The following BICDL1 variants were observed in gnomAD, a reference collection of about 807,000 sequenced individuals.
BICDL1 encodes the protein BICD family-like cargo adapter 1.
BICDL1 carries 20 observed loss-of-function variants against 76.8 expected under a neutral mutation model. The ratio of observed to expected loss-of-function variants is 0.26; its 90% CI spans 0.18 to 0.38. The LOEUF (loss-of-function observed/expected upper bound fraction) is 0.38. Among genes scored for constraint, BICDL1 ranks in the 10% least tolerant of loss-of-function variants. The pLI is 1.00. For missense variants in BICDL1, 700 were observed against 798.6 expected, an observed-to-expected ratio of 0.88 and a Z score of 1.49; for synonymous variants, 383 against 337.1, an observed-to-expected ratio of 1.14 and a Z score of -1.49.
chr12:120,056,087 T>C (rs16949914), intron 2 of BICDL1, among the ~76,000 whole-genome samples: 8,486 of 152,220 alleles, frequency 0.056, 469 homozygotes, highest in African/African-American at 0.14. Context: ...AATAGAAAAT[T>C]TCTAAAAGGA....
intron 2 of BICDL1, among the ~76,000 whole-genome samples, chr12:120,021,298 G>C (rs1392166607): frequency 6.9e-6 from 1 of 144,586 alleles, no homozygotes; most frequent in African/African-American, 2.6e-5. Context: ...AAAAAAAGGA[G>C]AGAATAGGCA....
rs1172412631 is a variant in BICDL1 at position 120,071,050 on chromosome 12, T to G, written c.910-572T>G. On this transcript the variant is annotated intron_variant, in intron 4 of 9. Coordinates refer to ENST00000548673, the MANE Select transcript of BICDL1 (RefSeq NM_001367886.1). This position sits in a 1 kb window ranked among gnomAD's most constrained non-coding sequence, Gnocchi z 4.8. ...CGGCCTGGTTGGTATAACTCAAGTC[T>G]TTTTTTATTTCTGTGTTCCTCCTTT... is the stretch of plus-strand genomic sequence containing the variant. Among the ~76,000 whole-genome samples the G allele has an allele frequency of 6.6e-6, 1 of 152,020 alleles. No homozygotes were observed. The highest frequency in any genetic ancestry group is 1.5e-5 in the Non-Finnish European group (1 of 67,996).
chr12:120,057,112 T>A, intron 2 of BICDL1: 4 of 522,262 alleles, frequency 7.7e-6, no homozygotes, highest in Non-Finnish European at 1.5e-5. Context: ...TGGTTGTATA[T>A]TTAGAGGACA....
At chr12:120,053,209 C>T (rs1408090390) in intron 2 of BICDL1, among the ~76,000 whole-genome samples, 4 of 152,002 alleles carry the variant, frequency 2.6e-5, no homozygotes, top group African/African-American at 7.3e-5. Context: ...CTCAGCCTCC[C>T]GAGTAGCTGG....
Position 120,093,020 on chromosome 12 carries a change from T to C in BICDL1, c.1725T>C (p.Ile575=). 1.3e-6 allele frequency: 2 copies of C among 1,577,966 alleles called. No homozygotes were observed. Among genetic ancestry groups the C allele is most frequent in the East Asian group, 2.3e-5 (1 of 44,388 alleles). Residue 575 remains isoleucine (I), a synonymous_variant, in exon 10 of 10, where the codon ATT becomes ATC. Coordinates refer to ENST00000548673, the MANE Select transcript of BICDL1 (RefSeq NM_001367886.1). ...EAWQDDMHRV[I]DRQLMDTHLK... Reference sequence around the variant, plus strand: ...TGCAGGATGACATGCACAGGGTCATTGACCGGCAGCTGATGGACACGCACC... The same window carrying C: ...TGCAGGATGACATGCACAGGGTCATCGACCGGCAGCTGATGGACACGCACC...
intron 8 of BICDL1, among the ~76,000 whole-genome samples, chr12:120,081,276 T>C (rs1363064606): frequency 6.6e-6 from 1 of 151,470 alleles, no homozygotes; most frequent in African/African-American, 2.4e-5. Context: ...GTAGTTATTA[T>C]GTGTTTTTAG....
chr12:120,086,672 G>C (rs952158018), intron 8 of BICDL1, among the ~76,000 whole-genome samples: 1 of 152,222 alleles, frequency 6.6e-6, no homozygotes, highest in African/African-American at 2.4e-5. Flanking sequence ...TCTCCTTGCA[G>C]GTGAAGGGCC....
intron 2 of BICDL1, among the ~76,000 whole-genome samples, chr12:120,006,366 A>G (rs79459519): frequency 0.013 from 1,929 of 152,248 alleles, 41 homozygotes; most frequent in East Asian, 0.045. Context: ...CATTCATTCA[A>G]ATACTTATAA....
At chr12:120,036,769 G>C (rs1952538106) in intron 2 of BICDL1, among the ~76,000 whole-genome samples, 1 of 152,136 alleles carries the variant, frequency 6.6e-6, no homozygotes, top group African/African-American at 2.4e-5. Context: ...CCAGCTACTC[G>C]GGAGGCTGAG....
intron 2 of BICDL1, among the ~76,000 whole-genome samples, chr12:120,010,900 C>T (rs1951940116): frequency 6.6e-6 from 1 of 151,990 alleles, no homozygotes; most frequent in Non-Finnish European, 1.5e-5. Flanking sequence ...GTAAAACAAG[C>T]CATCTCTTTG....
At chr12:119,994,203 C>T (rs189039100) in intron 1 of BICDL1, among the ~76,000 whole-genome samples, 28 of 152,242 alleles carry the variant, frequency 1.8e-4, no homozygotes, top group Middle Eastern at 3.4e-3. Context: ...GGCCAATTCT[C>T]ATTAGTCCAG....
At chr12:120,032,751 T>TC (rs1256213600) in intron 2 of BICDL1, among the ~76,000 whole-genome samples, 1 of 148,272 alleles carries the variant, frequency 6.7e-6, no homozygotes, top group African/African-American at 2.5e-5. Flanking sequence ...TATAATTTTT[T>TC]TTTTTTTTTT....
At chr12:120,053,275 G>A (rs1293984849) in intron 2 of BICDL1, among the ~76,000 whole-genome samples, 2 of 152,038 alleles carry the variant, frequency 1.3e-5, no homozygotes, top group Non-Finnish European at 2.9e-5. Context: ...GTGGAGACAG[G>A]GTTTCTGCAT....
chr12:120,008,461 T>C (rs1220880527), intron 2 of BICDL1, among the ~76,000 whole-genome samples: 1 of 152,146 alleles, frequency 6.6e-6, no homozygotes, highest in African/African-American at 2.4e-5. Flanking sequence ...GCCCAGCCAA[T>C]AGTTACTCTT....
chr12:120,023,902 T>C (rs1195391722), intron 2 of BICDL1, among the ~76,000 whole-genome samples: 1 of 152,192 alleles, frequency 6.6e-6, no homozygotes, highest in Non-Finnish European at 1.5e-5. Context: ...ACACACGTGT[T>C]AGACTTAGCA....
intron 2 of BICDL1, among the ~76,000 whole-genome samples, chr12:120,043,886 A>G (rs968660490): frequency 2.6e-5 from 4 of 152,360 alleles, no homozygotes; most frequent in South Asian, 4.1e-4. Flanking sequence ...TCTGCCCTTA[A>G]GTCTTTTCCA....
At position 120,071,871 on chromosome 12, in the gene BICDL1, T is replaced by G. The variant is rs1004760295; in HGVS notation, c.1089+70T>G. The stretch of plus-strand genomic sequence containing the variant: ...GCTTAGGTCTCATCCTCCTCCCTAG[T>G]GCTCAGCTGCCATCCTGGCAAGGCT... On this transcript the variant is annotated intron_variant, in intron 5 of 9. Transcript: ENST00000548673. The surrounding 1 kb of genome is among the most constrained non-coding windows in gnomAD (Gnocchi z 4.8). The G allele has an allele frequency of 1.4e-6, 2 of 1,450,854 alleles. No homozygotes were observed. Among genetic ancestry groups the G allele is most frequent in the Admixed American group, 2.7e-5 (1 of 36,958 alleles). 89.9% of individuals were successfully genotyped at this position (1,450,854 alleles called of 1,614,324 possible). A position where few individuals can be genotyped will look rare whatever the true frequency, so the allele number is the denominator to read the frequency against.
intron 2 of BICDL1, among the ~76,000 whole-genome samples, chr12:120,033,135 C>T (rs973610006): frequency 6.6e-6 from 1 of 152,030 alleles, no homozygotes; most frequent in Non-Finnish European, 1.5e-5. Context: ...CTTTCCGCTT[C>T]AGTAATTTTT....
chr12:120,054,197 C>G (rs958460105), intron 2 of BICDL1, among the ~76,000 whole-genome samples: 2 of 151,872 alleles, frequency 1.3e-5, no homozygotes, highest in Non-Finnish European at 2.9e-5. Context: ...CTCAGCCTCC[C>G]GAGTAGCTGG....
Sources: gnomAD v4.1 joint callset for allele counts (sites outside exome capture counted in the v4.1 genomes callset) on GRCh38, gnomAD v4.1.1 for gene constraint, Gnocchi (gnomAD v3.1) non-coding constraint, MANE v1.5 for transcripts, NCBI Gene and HGNC (gene_info 2026-07-23, HGNC 2026-07-21) for gene names.